ESRP2: variants seen among roughly 807,000 people sequenced by gnomAD.
ESRP2 encodes the protein RNA binding motif protein 35A.
A neutral mutation model predicts 78.6 loss-of-function variants in ESRP2; 48 were observed. That is an observed-to-expected ratio of 0.61 (90% CI 0.48 to 0.78). The LOEUF is 0.78. Among genes scored for constraint, ESRP2 ranks in the 30% least tolerant of loss-of-function variants. The probability of loss-of-function intolerance (pLI) is 0.00; values close to 1 mark genes in which losing one functional copy is unlikely to be tolerated. For synonymous variants in ESRP2, 383 were observed against 406.7 expected, an observed-to-expected ratio of 0.94 and a Z score of 0.70; for missense variants, 863 against 965.9, an observed-to-expected ratio of 0.89 and a Z score of 1.41.
At position 68,230,214 on chromosome 16, in the gene ESRP2, T is replaced by TAGGA. The variant is rs1190435871; in HGVS notation, c.*11_*12insTCCT. ...AGGATATCAGCTGGCTCTTACCTCCTGGCTTTCTCTCCTACAAACACACCC... is the reference window on the plus strand; with the variant it reads ...AGGATATCAGCTGGCTCTTACCTCCTAGGAGGCTTTCTCTCCTACAAACACACCC... On this transcript the variant is annotated 3_prime_UTR_variant, in exon 15 of 15. Transcript: ENST00000473183. 6.2e-7 allele frequency: 1 copy of TAGGA among 1,613,756 alleles called. No individual in the cohort carries two copies. Among genetic ancestry groups the TAGGA allele is most frequent in the Non-Finnish European group, 8.5e-7 (1 of 1,179,742 alleles).
At chr16:68,233,250 A>G in intron 5 of ESRP2, 77 bp downstream of exon 5, 1 of 979,396 alleles carries the variant, frequency 1.0e-6, no homozygotes, top group Non-Finnish European at 1.7e-6. Flanking sequence ...GGTCTCTTAG[A>G]GAAGGTCACA....
chr16:68,232,908 G>C lies in ESRP2; in HGVS notation c.656-93C>G. ...AAAGTGGACAATTGAGAGAGATGAA[G>C]AAATGACAGGCCGAGCACAGTGGCT... On this transcript the variant is annotated intron_variant, in intron 5 of 14. Transcript: ENST00000473183. This position sits in a 1 kb window ranked among gnomAD's most constrained non-coding sequence, Gnocchi z 5.2. 3 of 1,554,258 alleles carry C rather than the reference G, an allele frequency of 1.9e-6. No homozygotes were observed. The highest frequency in any genetic ancestry group is 2.6e-6 in the Non-Finnish European group (3 of 1,132,422).
chr16:68,235,122 C>A lies in ESRP2; in HGVS notation c.327+512G>T. ...CCAGGCCAGGCCGGGACAGCGCCCACGCCTGGCCAGCCGGCCGGGACAGGC... is the reference window on the plus strand; with the variant it reads ...CCAGGCCAGGCCGGGACAGCGCCCAAGCCTGGCCAGCCGGCCGGGACAGGC... On this transcript the variant is annotated intron_variant, in intron 2 of 14. Coordinates refer to ENST00000473183, the MANE Select transcript of ESRP2 (RefSeq NM_024939.3). This position sits in a 1 kb window ranked among gnomAD's most constrained non-coding sequence, Gnocchi z 5.5. 1 of 991,546 alleles carries A rather than the reference C, an allele frequency of 1.0e-6. No individual in the cohort carries two copies. The highest frequency in any genetic ancestry group is 1.2e-6 in the Non-Finnish European group (1 of 833,568). The allele number at this position is 991,546 out of a possible 1,614,324, so 61.4% of individuals were successfully genotyped here.
chr16:68,232,622 G>A lies in ESRP2; in HGVS notation c.776C>T (p.Ser259Leu), dbSNP rs370687734. ...GAAGAAGCGAGCCACGTCCTGGTCT[G>A]ATGACTGCCACGGCAACCCACGAGC... ...VRARGLPWQS[S>L]DQDVARFFKG... The change falls in exon 7 of 15, where the codon TCA becomes TTA. Residue 259 changes from serine to leucine, a missense_variant. Coordinates refer to ENST00000473183, the MANE Select transcript of ESRP2 (RefSeq NM_024939.3). This position sits in a 1 kb window ranked among gnomAD's most constrained non-coding sequence, Gnocchi z 5.2. 2.5e-6 allele frequency: 4 copies of A among 1,614,046 alleles called. No homozygotes were observed. The African/African-American group carries it at 5.3e-5, about 22-fold the overall frequency.
intron 2 of ESRP2, chr16:68,234,954 T>TA (rs1238025012): frequency 3.6e-5 from 7 of 193,204 alleles, no homozygotes; most frequent in Non-Finnish European, 6.6e-5. Flanking sequence ...AAAAAGGACT[T>TA]ACACTAATTA....
Position 68,232,053 on chromosome 16 carries a change from G to A in ESRP2, c.1048C>T (p.Leu350=). The change falls in exon 10 of 15, where the codon CTG becomes TTG. Residue 350 remains leucine (L), a synonymous_variant. Coordinates refer to ENST00000473183, the MANE Select transcript of ESRP2 (RefSeq NM_024939.3). The surrounding 1 kb of genome is among the most constrained non-coding windows in gnomAD (Gnocchi z 5.2). ...GAGAAGGGCAGTCCCCGCAGCCGCAGGATCACTTGGTCTTCCCGTGACAAG... is the reference window on the plus strand; with the variant it reads ...GAGAAGGGCAGTCCCCGCAGCCGCAAGATCACTTGGTCTTCCCGTGACAAG... The part of the protein sequence containing the change: ...RFLSREDQVI[L]RLRGLPFSAG... 2.5e-6 allele frequency: 4 copies of A among 1,613,964 alleles called. No homozygotes were observed. The highest frequency in any genetic ancestry group is 3.4e-6 in the Non-Finnish European group (4 of 1,179,938).
rs751027219 is a variant in ESRP2 at position 68,231,974 on chromosome 16, C to G, written c.1127G>C (p.Gly376Ala). The G allele has an allele frequency of 3.1e-6, 5 of 1,614,006 alleles. No homozygotes were observed. The East Asian group carries it at 1.1e-4, about 36-fold the overall frequency. The stretch of plus-strand genomic sequence containing the variant: ...CACAAAGAGCAGCCCCTCGGTACCC[C>G]CAGTCACTGGGCACTCTGGCCCCAG... ...GFLGPECPVT[G>A]GTEGLLFVRH... Residue 376 changes from glycine to alanine, a missense_variant, in exon 10 of 15, where the codon GGG (glycine) becomes GCG (alanine). Transcript: ENST00000473183. This position sits in a 1 kb window ranked among gnomAD's most constrained non-coding sequence, Gnocchi z 6.0.
In ESRP2 at chr16:68,235,818, G is replaced by A. The variant is rs1296085356; in HGVS notation, c.198+30C>T. 2 of 1,610,834 alleles carry A rather than the reference G, an allele frequency of 1.2e-6. No homozygotes were observed. Among genetic ancestry groups the A allele is most frequent in the Admixed American group, 1.7e-5 (1 of 59,830 alleles). On this transcript the variant is annotated intron_variant, in intron 1 of 14. Coordinates refer to ENST00000473183, the MANE Select transcript of ESRP2 (RefSeq NM_024939.3). The surrounding 1 kb of genome is among the most constrained non-coding windows in gnomAD (Gnocchi z 5.5). Reference sequence around the variant, plus strand: ...CGCCCCTCGACCCCGGAAGCTCCCTGGGGACCTCACCGCCTCTTTTCCACC... The same window carrying A: ...CGCCCCTCGACCCCGGAAGCTCCCTAGGGACCTCACCGCCTCTTTTCCACC...
Position 68,230,062 on chromosome 16 carries a change from GA to G in ESRP2, c.*163del. 1.5e-6 allele frequency: 1 copy of G among 656,802 alleles called. No individual in the cohort carries two copies. The highest frequency in any genetic ancestry group is 2.6e-5 in the Admixed American group (1 of 38,828). 40.7% of individuals were successfully genotyped at this position (656,802 alleles called of 1,614,324 possible). A position where few individuals can be genotyped will look rare whatever the true frequency, so the allele number is the denominator to read the frequency against. On this transcript the variant is annotated 3_prime_UTR_variant, in exon 15 of 15. Coordinates refer to ENST00000473183, the MANE Select transcript of ESRP2 (RefSeq NM_024939.3). ...CCATTGTCTTTGGGGGAAACAGGCAGAATAAGTGGAGGATGGAGCTGGGGCT... is the reference window on the plus strand; with the variant it reads ...CCATTGTCTTTGGGGGAAACAGGCAGATAAGTGGAGGATGGAGCTGGGGCT...
At position 68,235,387 on chromosome 16, in the gene ESRP2, C is replaced by T. The variant is rs1021734832; in HGVS notation, c.327+247G>A. ...AACTGGGGATGGATCCCAAAGCCTG[C>T]GTCCCGATCCCTTCGGTAGGAGTAG... is the stretch of plus-strand genomic sequence containing the variant. On this transcript the variant is annotated intron_variant, in intron 2 of 14. Transcript: ENST00000473183. This position sits in a 1 kb window ranked among gnomAD's most constrained non-coding sequence, Gnocchi z 5.5. 1.0e-6 allele frequency: 1 copy of T among 985,336 alleles called. No homozygotes were observed. Among genetic ancestry groups the T allele is most frequent in the Non-Finnish European group, 1.2e-6 (1 of 829,944 alleles). 61.0% of individuals were successfully genotyped at this position (985,336 alleles called of 1,614,324 possible).
chr16:68,236,123 G>A lies in ESRP2; in HGVS notation c.-78C>T, dbSNP rs2042224864. 2.2e-6 allele frequency: 3 copies of A among 1,343,522 alleles called. No individual in the cohort carries two copies. The highest frequency in any genetic ancestry group is 4.1e-5 in the Admixed American group (1 of 24,588). The allele number at this position is 1,343,522 out of a possible 1,614,324, so 83.2% of individuals were successfully genotyped here. On this transcript the variant is annotated 5_prime_UTR_variant, in exon 1 of 15. Coordinates refer to ENST00000473183, the MANE Select transcript of ESRP2 (RefSeq NM_024939.3). The surrounding 1 kb of genome is among the most constrained non-coding windows in gnomAD (Gnocchi z 5.2). ...GCACGCACCGACCGACCGCAGACGC[G>A]GATCAGCTTGGGCGGGACACCGTGT...
intron 4 of ESRP2, 51 bp from the exon 5 acceptor site, chr16:68,233,476 T>A (rs1298622502): frequency 7.2e-7 from 1 of 1,382,606 alleles, no homozygotes. Flanking sequence ...GCACTAATCC[T>A]GTTTACTCCT....
Position 68,231,525 on chromosome 16 carries a change from G to A in ESRP2, c.1469C>T (p.Ala490Val). 2 of 1,614,092 alleles carry A rather than the reference G, an allele frequency of 1.2e-6. No homozygotes were observed. Among genetic ancestry groups the A allele is most frequent in the Non-Finnish European group, 1.7e-6 (2 of 1,179,994 alleles). Residue 490 changes from alanine (A) to valine (V), a missense_variant, in exon 11 of 15, where the codon GCT (alanine) becomes GTT (valine). Transcript: ENST00000473183. The surrounding 1 kb of genome is among the most constrained non-coding windows in gnomAD (Gnocchi z 6.0). ...DILSFLGEAA[A>V]DIRPHGVHMV... ...GTGTACACCGTGGGGCCGAATGTCA[G>A]CTGCTGCCTCCCCCAGAAAGCTCAG...
Position 68,230,827 on chromosome 16 carries a change from T to C in ESRP2, c.1898+14A>G. 2.5e-6 allele frequency: 4 copies of C among 1,613,896 alleles called. No homozygotes were observed. Among genetic ancestry groups the C allele is most frequent in the Non-Finnish European group, 3.4e-6 (4 of 1,179,882 alleles). On this transcript the variant is annotated intron_variant, in intron 13 of 14. Transcript: ENST00000473183. ...AGGGAGTGGGACTGTGATATTCTCT[T>C]AGCTGCAGGGTACCTTGGGTAGTAG...
In ESRP2 at chr16:68,230,915, A is replaced by AG; in HGVS notation, c.1823dup (p.Ala609CysfsTer84). The AG allele has an allele frequency of 6.2e-7, 1 of 1,613,824 alleles. No individual in the cohort carries two copies. The highest frequency in any genetic ancestry group is 8.5e-7 in the Non-Finnish European group (1 of 1,179,846). Reference sequence around the variant, plus strand: ...GATAGTAGGCAACAGGGGTGGGGGCAGCAGGCACCCTGGCAGCTGGGAGCA... The same window carrying AG: ...GATAGTAGGCAACAGGGGTGGGGGCAGGCAGGCACCCTGGCAGCTGGGAGCA... On this transcript the variant is annotated frameshift_variant, in exon 13 of 15. Transcript: ENST00000473183. LOFTEE classifies it high-confidence loss of function.
At chr16:68,230,796 T>G (rs768819927) in intron 13 of ESRP2, 45 bp downstream of exon 13, 4 of 1,608,804 alleles carry the variant, frequency 2.5e-6, no homozygotes, top group Admixed American at 1.7e-5. Context: ...TTCCCCAGAT[T>G]GGGACAGGGA....
In ESRP2 at chr16:68,231,849, T is replaced by C; in HGVS notation, c.1252A>G (p.Lys418Glu). 1 of 1,613,940 alleles carries C rather than the reference T, an allele frequency of 6.2e-7. No individual in the cohort carries two copies. The highest frequency in any genetic ancestry group is 8.5e-7 in the Non-Finnish European group (1 of 1,179,938). The change falls in exon 10 of 15, where the codon AAG (lysine) becomes GAG (glutamate). Residue 418 changes from lysine to glutamate, a missense_variant. Lys to Glu is a moderately conservative substitution (Grantham distance 56). Coordinates refer to ENST00000473183, the MANE Select transcript of ESRP2 (RefSeq NM_024939.3). The surrounding 1 kb of genome is among the most constrained non-coding windows in gnomAD (Gnocchi z 6.0). Reference protein sequence around the residue: ...ALRRHKGMLGKRYIELFRSTA... With the variant: ...ALRRHKGMLGERYIELFRSTA... The stretch of plus-strand genomic sequence containing the variant: ...CTCCGGAAGAGTTCAATGTATCGCT[T>C]ACCCAGCATGCCCTTGTGCCTGCGC...
At position 68,231,127 on chromosome 16, in the gene ESRP2, AC is replaced by A; in HGVS notation, c.1711+50del. ...CCGCTATAGAAGGTAGGGGCTTACAACAGCCTGGCTACCACAGGCCTCCTCC... is the reference window on the plus strand; with the variant it reads ...CCGCTATAGAAGGTAGGGGCTTACAAAGCCTGGCTACCACAGGCCTCCTCC... On this transcript the variant is annotated intron_variant, in intron 12 of 14. Coordinates refer to ENST00000473183, the MANE Select transcript of ESRP2 (RefSeq NM_024939.3). The surrounding 1 kb of genome is among the most constrained non-coding windows in gnomAD (Gnocchi z 6.0). The A allele has an allele frequency of 6.2e-7, 1 of 1,610,094 alleles. No homozygotes were observed. Among genetic ancestry groups the A allele is most frequent in the Non-Finnish European group, 8.5e-7 (1 of 1,177,464 alleles).
chr16:68,230,319 C>A lies in ESRP2; in HGVS notation c.2065-4G>T. Reference sequence around the variant, plus strand: ...TGGTGTAGTCATCAGCGGGTAGCTACAGAAGGGACACAGATTTAGGGCAGA... The same window carrying A: ...TGGTGTAGTCATCAGCGGGTAGCTAAAGAAGGGACACAGATTTAGGGCAGA... On this transcript the variant is annotated splice_region_variant and splice_polypyrimidine_tract_variant and intron_variant, in intron 14 of 14. Transcript: ENST00000473183. The A allele has an allele frequency of 6.2e-7, 1 of 1,614,170 alleles. No homozygotes were observed. Among genetic ancestry groups the A allele is most frequent in the South Asian group, 1.1e-5 (1 of 91,084 alleles).
Sources: gnomAD v4.1 joint callset for allele counts on GRCh38, gnomAD v4.1.1 for gene constraint, Gnocchi (gnomAD v3.1) non-coding constraint, MANE v1.5 for transcripts, NCBI Gene and HGNC (gene_info 2026-07-23, HGNC 2026-07-21) for gene names.